SEMA3A: variants seen among roughly 807,000 people sequenced by gnomAD.
SEMA3A encodes the protein semaphorin 3A, also known as semaphorin-3A.
A neutral mutation model predicts 97.9 loss-of-function variants in SEMA3A; 29 were observed. That is an observed-to-expected ratio of 0.30 (90% CI 0.22 to 0.40). The LOEUF is 0.40. SEMA3A is among the 10% of genes least tolerant of loss of function. The pLI is 1.00. For missense variants in SEMA3A, 763 were observed against 951.3 expected (o/e 0.80, Z 2.60); for synonymous variants, 321 against 323.7 (o/e 0.99, Z 0.09).
intron 1 of SEMA3A, among the ~76,000 whole-genome samples, chr7:84,469,478 T>A (rs1309333549): frequency 1.3e-5 from 2 of 152,174 alleles, no homozygotes; most frequent in African/African-American, 2.4e-5. Context: ...TCACTTGGAT[T>A]TAAAGTTTAG....
intron 1 of SEMA3A, among the ~76,000 whole-genome samples, chr7:84,443,880 CTTTT>C (rs71078831): frequency 4.3e-4 from 40 of 92,424 alleles, no homozygotes; most frequent in African/African-American, 1.4e-3. Context: ...GTGCTTTGTC[CTTTT>C]TTTTTTTTTT....
intron 7 of SEMA3A, 76 bp downstream of exon 7, chr7:84,014,133 A>C (rs1790995639): frequency 7.8e-7 from 1 of 1,280,190 alleles, no homozygotes; most frequent in Admixed American, 2.1e-5. Context: ...GTATATGCAC[A>C]CAGGTAGAAA....
In SEMA3A at chr7:84,316,404, G is replaced by GA. The variant is rs376904006; in HGVS notation, c.-168-9113dup. On this transcript the variant is annotated intron_variant, in intron 2 of 3. Transcript: ENST00000424555. ...AACGATACTTTAAAATCCTTAAAAT[G>GA]AAAAAAAAAGAGTTATTTCACAATG... Among the ~76,000 whole-genome samples the GA allele has an allele frequency of 7.7e-3, 1,138 of 148,370 alleles. 14 individuals carry two copies. The highest frequency in any genetic ancestry group is 0.025 in the African/African-American group (1,031 of 40,462).
In SEMA3A at chr7:84,008,090, T is replaced by A. The variant is rs192022936; in HGVS notation, c.996-593A>T. On this transcript the variant is annotated intron_variant, in intron 9 of 16. Coordinates refer to ENST00000265362, the MANE Select transcript of SEMA3A (RefSeq NM_006080.3). ...TACGTTAGTAGCTATTTCACTCAGT[T>A]AAAGTGGAGAATTACAGCAATTATA... 3.6e-3 allele frequency among the ~76,000 whole-genome samples: 541 copies of A among 152,310 alleles called. 1 individual carries two copies. The highest frequency in any genetic ancestry group is 6.8e-3 in the Middle Eastern group (2 of 294).
At chr7:84,171,322 A>G (rs1797375692) in intron 1 of SEMA3A, among the ~76,000 whole-genome samples, 1 of 152,076 alleles carries the variant, frequency 6.6e-6, no homozygotes, top group African/African-American at 2.4e-5. Flanking sequence ...AATAAATTGT[A>G]TTTCCCTCTT....
intron 9 of SEMA3A, 94 bp downstream of exon 9, chr7:84,010,928 T>C (rs1790851640): frequency 2.4e-6 from 2 of 850,346 alleles, no homozygotes; most frequent in Admixed American, 2.6e-5. Flanking sequence ...AAAGCAACAC[T>C]TGCCTTTCAA....
chr7:84,353,018 T>A (rs1777634845), intron 2 of SEMA3A, among the ~76,000 whole-genome samples: 2 of 151,756 alleles, frequency 1.3e-5, no homozygotes, highest in Admixed American at 1.3e-4. Context: ...GATAACAAAG[T>A]CCACAGAATC....
chr7:83,967,024 T>G (rs1405898259), intron 15 of SEMA3A, among the ~76,000 whole-genome samples: 1 of 152,174 alleles, frequency 6.6e-6, no homozygotes, highest in Admixed American at 6.5e-5. Flanking sequence ...AGTAAATTTT[T>G]ATTGGATACA....
intron 1 of SEMA3A, among the ~76,000 whole-genome samples, chr7:84,478,844 C>T (rs1202534203): frequency 6.6e-6 from 1 of 151,764 alleles, no homozygotes; most frequent in African/African-American, 2.4e-5. Context: ...ATCTTTTTAG[C>T]AATAGCTATA....
At chr7:84,429,550 C>CGAGA (rs202072224) in intron 1 of SEMA3A, among the ~76,000 whole-genome samples, 24 of 58,586 alleles carry the variant, frequency 4.1e-4, no homozygotes, top group South Asian at 1.1e-3. Context: ...ATATATATAG[C>CGAGA]GAGAGAGAGA....
chr7:84,052,677 A>C (rs183647333), intron 5 of SEMA3A, among the ~76,000 whole-genome samples: 19 of 151,946 alleles, frequency 1.3e-4, no homozygotes, highest in Admixed American at 6.6e-4. Context: ...TGGATTCATT[A>C]ATTTTTGGAA....
intron 3 of SEMA3A, among the ~76,000 whole-genome samples, chr7:84,204,971 C>A (rs942851458): frequency 6.6e-6 from 1 of 152,124 alleles, no homozygotes; most frequent in African/African-American, 2.4e-5. Context: ...AGAATCGTAT[C>A]TTTTATGGTA....
At chr7:84,256,370 T>C (rs888656002) in intron 3 of SEMA3A, among the ~76,000 whole-genome samples, 4 of 152,072 alleles carry the variant, frequency 2.6e-5, no homozygotes, top group Non-Finnish European at 4.4e-5. Flanking sequence ...TAAAGCTCTA[T>C]TGAAGTGCAT....
At chr7:83,997,756 T>A (rs1325627979) in intron 12 of SEMA3A, among the ~76,000 whole-genome samples, 1 of 151,902 alleles carries the variant, frequency 6.6e-6, no homozygotes, top group Non-Finnish European at 1.5e-5. Flanking sequence ...TTTTTTTTTT[T>A]TTGAGAGGGA....
At position 84,325,783 on chromosome 7, in the gene SEMA3A, A is replaced by G. The variant is rs369049192; in HGVS notation, c.-168-18491T>C. Among the ~76,000 whole-genome samples, 5 of 152,278 alleles carry G rather than the reference A, an allele frequency of 3.3e-5. No homozygotes were observed. The East Asian group carries it at 5.8e-4, about 18-fold the overall frequency. On this transcript the variant is annotated intron_variant, in intron 2 of 3. Coordinates refer to the SEMA3A transcript ENST00000424555. ...GGAATACAATGATGTTATTCAATAT[A>G]CATATACATTGTTTAATGATTATCA...
At chr7:84,131,998 C>T (rs1027684670) in intron 2 of SEMA3A, among the ~76,000 whole-genome samples, 3 of 151,874 alleles carry the variant, frequency 2.0e-5, no homozygotes, top group African/African-American at 4.8e-5. Flanking sequence ...TATTTTGTAG[C>T]GACAGGGTTT....
intron 1 of SEMA3A, among the ~76,000 whole-genome samples, chr7:84,377,462 T>A (rs946800373): frequency 6.6e-6 from 1 of 152,168 alleles, no homozygotes; most frequent in Non-Finnish European, 1.5e-5. Context: ...TTGGTCTATG[T>A]GTCTGTTTTT....
intron 1 of SEMA3A, among the ~76,000 whole-genome samples, chr7:84,158,123 C>T (rs1371868814): frequency 7.0e-6 from 1 of 142,708 alleles, no homozygotes; most frequent in East Asian, 2.1e-4. Context: ...TACATTGAAG[C>T]TTATGCTTAA....
At chr7:84,197,620 C>T (rs889644270), upstream of SEMA3A, among the ~76,000 whole-genome samples, 2 of 150,736 alleles carry the variant, frequency 1.3e-5, no homozygotes, top group African/African-American at 2.4e-5. Context: ...TATTTCTCAA[C>T]TAAAGTAGAA....
Sources: allele counts gnomAD v4.1 joint callset (sites outside exome capture counted in the v4.1 genomes callset), GRCh38; gene constraint gnomAD v4.1.1; transcripts MANE v1.5; gene names NCBI Gene and HGNC (gene_info 2026-07-23, HGNC 2026-07-21).